The following MON2 variants were observed in gnomAD, a reference collection of about 807,000 sequenced individuals.
MON2 encodes the protein MON2 regulator of endosome-to-Golgi trafficking, also known as protein MON2 homolog.
Under a neutral mutation model 208.6 loss-of-function variants are expected in MON2, and 84 were observed. The observed-to-expected ratio is 0.40, with a 90% confidence interval of 0.34 to 0.48. The LOEUF is 0.48. Ranked by LOEUF, MON2 falls within the 20% of genes least tolerant of loss-of-function variation. The pLI is 0.59. For missense variants in MON2, 1,611 were observed against 2,015.4 expected (o/e 0.80, Z 3.84); for synonymous variants, 660 against 694.0 (o/e 0.95, Z 0.77).
At chr12:62,521,309 C>T (rs189565035) in intron 8 of MON2, among the ~76,000 whole-genome samples, 4 of 152,152 alleles carry the variant, frequency 2.6e-5, no homozygotes, top group South Asian at 2.1e-4. Context: ...TTGCCCGGCC[C>T]GTTTATTATG....
chr12:62,466,967 G>C lies in MON2; in HGVS notation c.-241G>C, dbSNP rs1236135836. ...GCCCGCCTTGTGGGTTTCTCGGCCA[G>C]AGTCGGCGGAGCCTAGCGGGACGGT... On this transcript the variant is annotated 5_prime_UTR_variant, in exon 1 of 35. Transcript: ENST00000393630. 3 of 521,864 alleles carry C rather than the reference G, an allele frequency of 5.7e-6. No individual in the cohort carries two copies. Among genetic ancestry groups the C allele is most frequent in the East Asian group, 6.6e-5 (2 of 30,508 alleles). The allele number at this position is 521,864 out of a possible 1,614,324, so 32.3% of individuals were successfully genotyped here. A position where few individuals can be genotyped will look rare whatever the true frequency, so the allele number is the denominator to read the frequency against.
intron 21 of MON2, among the ~76,000 whole-genome samples, chr12:62,545,240 G>A (rs2073429807): frequency 6.6e-6 from 1 of 151,782 alleles, no homozygotes; most frequent in Non-Finnish European, 1.5e-5. Flanking sequence ...TAAATTACCT[G>A]GAATTGGTCT....
chr12:62,467,003 G>C lies in MON2; in HGVS notation c.-205G>C. On this transcript the variant is annotated 5_prime_UTR_variant, in exon 1 of 35. Transcript: ENST00000393630. ...GCCTAGCGGGACGGTGCGACTGCGG[G>C]GGGCGCCTCCGAGAAAAGCCAGAGG... The C allele has an allele frequency of 1.9e-6, 1 of 527,384 alleles. No homozygotes were observed. The highest frequency in any genetic ancestry group is 3.4e-6 in the Non-Finnish European group (1 of 297,190). The allele number at this position is 527,384 out of a possible 1,614,324, so 32.7% of individuals were successfully genotyped here.
At chr12:62,471,458 G>A (rs1225285048) in intron 1 of MON2, among the ~76,000 whole-genome samples, 1 of 152,106 alleles carries the variant, frequency 6.6e-6, no homozygotes, top group Non-Finnish European at 1.5e-5. Context: ...TACTGAGATA[G>A]CAGGCGTGAG....
chr12:62,582,225 C>G (rs1471647674), intron 32 of MON2, among the ~76,000 whole-genome samples: 1 of 152,192 alleles, frequency 6.6e-6, no homozygotes, highest in Non-Finnish European at 1.5e-5. Context: ...TATTGAGTTA[C>G]CAAGTATACT....
At position 62,598,395 on chromosome 12, in the gene MON2, A is replaced by G. The variant is rs1169912614; in HGVS notation, c.*5646A>G. On this transcript the variant is annotated 3_prime_UTR_variant, in exon 35 of 35. Coordinates refer to ENST00000393630, the MANE Select transcript of MON2 (RefSeq NM_015026.3). ...GTTATTTGGAAAATCATTGCAATAT[A>G]TTAACAACTGCTTCCTTCTATGATG... 3 of 152,224 alleles carry G rather than the reference A, an allele frequency of 2.0e-5. No homozygotes were observed. The allele number at this position is 152,224 out of a possible 1,614,324, so 9.4% of individuals were successfully genotyped here. A position where few individuals can be genotyped will look rare whatever the true frequency, so the allele number is the denominator to read the frequency against.
chr12:62,554,108 A>G (rs557897212), intron 24 of MON2, among the ~76,000 whole-genome samples: 1 of 152,276 alleles, frequency 6.6e-6, no homozygotes, highest in East Asian at 1.9e-4. Flanking sequence ...TAATTCTCCC[A>G]TACAGTTTGT....
At chr12:62,489,339 T>C (rs1486918256) in intron 2 of MON2, among the ~76,000 whole-genome samples, 2 of 152,130 alleles carry the variant, frequency 1.3e-5, no homozygotes, top group African/African-American at 4.8e-5. Flanking sequence ...GTTGATCATT[T>C]TTTCCCTGTA....
chr12:62,573,804 GAA>G (rs982262636), intron 30 of MON2, among the ~76,000 whole-genome samples: 2 of 151,702 alleles, frequency 1.3e-5, no homozygotes, highest in African/African-American at 4.8e-5. Flanking sequence ...TTTTAATATA[GAA>G]AAGTGGACAC....
chr12:62,579,265 AT>A (rs776400544), intron 31 of MON2, among the ~76,000 whole-genome samples: 7 of 151,974 alleles, frequency 4.6e-5, no homozygotes, highest in Non-Finnish European at 8.8e-5. Flanking sequence ...AGTAAAAAAA[AT>A]AAGTAAAAAA....
At position 62,593,557 on chromosome 12, in the gene MON2, T is replaced by G. The variant is rs2075458660; in HGVS notation, c.*808T>G. On this transcript the variant is annotated 3_prime_UTR_variant, in exon 35 of 35. Transcript: ENST00000393630. Reference sequence around the variant, plus strand: ...TTTGAAATATAGGTTCTTAATACATTGATACATATTGTAGCACTATGACTT... The same window carrying G: ...TTTGAAATATAGGTTCTTAATACATGGATACATATTGTAGCACTATGACTT... 6.6e-6 allele frequency: 1 copy of G among 152,610 alleles called. No homozygotes were observed. Among genetic ancestry groups the G allele is most frequent in the Non-Finnish European group, 1.5e-5 (1 of 67,992 alleles). The allele number at this position is 152,610 out of a possible 1,614,324, so 9.5% of individuals were successfully genotyped here. A position where few individuals can be genotyped will look rare whatever the true frequency, so the allele number is the denominator to read the frequency against.
At position 62,476,384 on chromosome 12, in the gene MON2, T is replaced by G. The variant is rs2069083206; in HGVS notation, c.112-7786T>G. On this transcript the variant is annotated intron_variant, in intron 1 of 34. Transcript: ENST00000393630. ...GTCTTCAGGCAGCTCCATACCTCTC[T>G]TGTGTCTCATTAGTATATTATTTTA... 2.6e-5 allele frequency among the ~76,000 whole-genome samples: 4 copies of G among 152,170 alleles called. 1 individual carries two copies. The South Asian group carries it at 8.3e-4, about 31-fold the overall frequency.
chr12:62,594,775 TAAAC>T lies in MON2; in HGVS notation c.*2028_*2031del, dbSNP rs1383730704. The T allele has an allele frequency of 3.3e-5, 5 of 152,216 alleles. No homozygotes were observed. The highest frequency in any genetic ancestry group is 3.3e-4 in the Admixed American group (5 of 15,286). The allele number at this position is 152,216 out of a possible 1,614,324, so 9.4% of individuals were successfully genotyped here. On this transcript the variant is annotated 3_prime_UTR_variant, in exon 35 of 35. Coordinates refer to ENST00000393630, the MANE Select transcript of MON2 (RefSeq NM_015026.3). Reference sequence around the variant, plus strand: ...GGACCATGCCCTACAGTTCAAAACATAAACATAGTGAATGTGTTAATATCATATA... The same window carrying T: ...GGACCATGCCCTACAGTTCAAAACATATAGTGAATGTGTTAATATCATATA...
rs2075550203 is a variant in MON2, at chr12:62,597,434, A to G, written c.*4685A>G. The G allele has an allele frequency of 6.6e-6, 1 of 152,176 alleles. No homozygotes were observed. Among genetic ancestry groups the G allele is most frequent in the Non-Finnish European group, 1.5e-5 (1 of 68,038 alleles). 9.4% of individuals were successfully genotyped at this position (152,176 alleles called of 1,614,324 possible). On this transcript the variant is annotated 3_prime_UTR_variant, in exon 35 of 35. Transcript: ENST00000393630. The stretch of plus-strand genomic sequence containing the variant: ...CATGGTTCTACCACTACAAAGTGGA[A>G]AGTAGAAATACTTTGCACTTTGGCC...
At chr12:62,572,585 A>G (rs1478665699) in intron 30 of MON2, among the ~76,000 whole-genome samples, 1 of 152,132 alleles carries the variant, frequency 6.6e-6, no homozygotes, top group Non-Finnish European at 1.5e-5. Flanking sequence ...AGCTGGGACC[A>G]CAAGTGCACA....
At chr12:62,527,519 T>C (rs939239950) in intron 11 of MON2, among the ~76,000 whole-genome samples, 3 of 152,102 alleles carry the variant, frequency 2.0e-5, no homozygotes, top group African/African-American at 7.2e-5. Flanking sequence ...GAGAATTAAG[T>C]TGTAAAAGAA....
At chr12:62,553,217 G>A (rs1421251512) in intron 24 of MON2, 43 bp downstream of exon 24, 2 of 1,487,154 alleles carry the variant, frequency 1.3e-6, no homozygotes, top group Admixed American at 3.9e-5. Context: ...AATGAGTCAT[G>A]CTTATATATT....
chr12:62,556,336 C>T (rs1565681522), intron 25 of MON2, 144 bp downstream of exon 25: 1 of 812,208 alleles, frequency 1.2e-6, no homozygotes, highest in Non-Finnish European at 1.9e-6. Flanking sequence ...TTCGTTTGTA[C>T]CTACTGTGGG....
In MON2 at chr12:62,532,174, C is replaced by T. The variant is rs188716900; in HGVS notation, c.1401-264C>T. Reference sequence around the variant, plus strand: ...TCTAATATCTAATATTTAATGAAAACATTGGCACAACTCAGGGGAGAATGA... The same window carrying T: ...TCTAATATCTAATATTTAATGAAAATATTGGCACAACTCAGGGGAGAATGA... On this transcript the variant is annotated intron_variant, in intron 11 of 34. Transcript: ENST00000393630. Among the ~76,000 whole-genome samples, 260 of 152,228 alleles carry T rather than the reference C, an allele frequency of 1.7e-3. 3 individuals carry two copies. The highest frequency in any genetic ancestry group is 3.4e-3 in the Middle Eastern group (1 of 294).
Sources: allele counts gnomAD v4.1 joint callset (sites outside exome capture counted in the v4.1 genomes callset), GRCh38; gene constraint gnomAD v4.1.1; transcripts MANE v1.5; gene names NCBI Gene and HGNC (gene_info 2026-07-23, HGNC 2026-07-21).